Variants in TENM3 observed in about 807,000 individuals in gnomAD.
The protein encoded by TENM3 is teneurin-3.
TENM3 carries 63 observed loss-of-function variants against 255.1 expected under a neutral mutation model. The ratio of observed to expected loss-of-function variants is 0.25; its 90% CI spans 0.20 to 0.30. The LOEUF (loss-of-function observed/expected upper bound fraction) is 0.30, where lower values mean the gene tolerates loss of function less well. TENM3 is among the 10% of genes least tolerant of loss of function. TENM3 has a pLI of 1.00. For missense variants in TENM3, 2,929 were observed against 3,461.1 expected, an observed-to-expected ratio of 0.85 and a Z score of 3.86; for synonymous variants, 1,306 against 1,322.3, an observed-to-expected ratio of 0.99 and a Z score of 0.27.
the TENM3 span, among the ~76,000 whole-genome samples, chr4:182,088,915 C>T: frequency 2.0e-5 from 3 of 152,080 alleles, 1 homozygote; most frequent in South Asian, 6.2e-4. Context: ...AAAATGATTT[C>T]ATGTGTTGAA....
the TENM3 span, among the ~76,000 whole-genome samples, chr4:181,974,613 G>C: frequency 6.6e-6 from 1 of 152,036 alleles, no homozygotes; most frequent in Admixed American, 6.6e-5. Context: ...AGCTGAATGA[G>C]CAAGAGGGAA....
the TENM3 span, among the ~76,000 whole-genome samples, chr4:181,776,532 C>T: frequency 6.6e-6 from 1 of 152,244 alleles, no homozygotes; most frequent in Admixed American, 6.5e-5. Flanking sequence ...TACATTCCCA[C>T]CAACAGTGTA....
intron 1 of TENM3, among the ~76,000 whole-genome samples, chr4:182,222,738 A>T (rs181840410): frequency 1.4e-4 from 22 of 152,132 alleles, no homozygotes; most frequent in Admixed American, 1.2e-3. Context: ...ACTTTTAGTG[A>T]TTTATTCTTT....
intron 3 of TENM3, among the ~76,000 whole-genome samples, chr4:182,364,472 A>C (rs1170526015): frequency 6.6e-6 from 1 of 152,154 alleles, no homozygotes; most frequent in Non-Finnish European, 1.5e-5. Context: ...GCTGGAATGC[A>C]GTGGCGCGAT....
intron 3 of TENM3, among the ~76,000 whole-genome samples, chr4:182,440,035 A>G (rs1251794110): frequency 6.6e-6 from 1 of 151,174 alleles, no homozygotes; most frequent in Non-Finnish European, 1.5e-5. Context: ...CGTAAGTATC[A>G]CTGTTAGGGA....
the TENM3 span, among the ~76,000 whole-genome samples, chr4:182,109,285 T>A: frequency 6.7e-6 from 1 of 149,090 alleles, no homozygotes; most frequent in African/African-American, 2.4e-5. Flanking sequence ...TCACATATAG[T>A]ATAATATATA....
upstream of TENM3, among the ~76,000 whole-genome samples, chr4:182,242,567 C>T (rs1561233831): frequency 6.6e-6 from 1 of 151,994 alleles, no homozygotes; most frequent in East Asian, 1.9e-4. Flanking sequence ...TTGAGACCAG[C>T]CTGGGCAACA....
the TENM3 span, among the ~76,000 whole-genome samples, chr4:181,998,651 G>C: frequency 4.3e-4 from 66 of 152,206 alleles, no homozygotes; most frequent in African/African-American, 1.6e-3. Flanking sequence ...TAGATGTTGA[G>C]ACCAATTTCT....
the TENM3 span, among the ~76,000 whole-genome samples, chr4:181,641,545 GGTGT>G: frequency 0.014 from 325 of 23,906 alleles, 14 homozygotes; most frequent in African/African-American, 0.049. Flanking sequence ...AGTATTCCAT[GGTGT>G]GTGTGTATAT....
At chr4:182,476,219 AT>A (rs1348073427) in intron 3 of TENM3, among the ~76,000 whole-genome samples, 1 of 152,176 alleles carries the variant, frequency 6.6e-6, no homozygotes, top group African/African-American at 2.4e-5. Context: ...ATTTAAACCC[AT>A]TTTAGTCTAT....
chr4:181,797,746 T>C, the TENM3 span, among the ~76,000 whole-genome samples: 1 of 152,206 alleles, frequency 6.6e-6, no homozygotes, highest in African/African-American at 2.4e-5. Context: ...AAAAACTGGA[T>C]GAAAATACGT....
At chr4:182,145,220 G>C (rs567731546) in intron 1 of TENM3, 1 of 152,252 alleles carries the variant, frequency 6.6e-6, no homozygotes, top group Non-Finnish European at 1.5e-5. Flanking sequence ...GCTTTCCGGG[G>C]CAGGCAGGGG....
intron 16 of TENM3, among the ~76,000 whole-genome samples, chr4:182,733,794 T>C (rs2152719038): frequency 6.6e-6 from 1 of 152,282 alleles, no homozygotes; most frequent in South Asian, 2.1e-4. Flanking sequence ...CCTCAATCAA[T>C]TTAATACTTC....
rs1212341199 is a variant in TENM3 at position 182,799,946 on chromosome 4, C to T, written c.7695C>T (p.Thr2565=). Residue 2565 remains threonine, a synonymous_variant, in exon 28 of 28, where the codon ACC becomes ACT. Coordinates refer to ENST00000511685, the MANE Select transcript of TENM3 (RefSeq NM_001080477.4). This position sits in a 1 kb window ranked among gnomAD's most constrained non-coding sequence, Gnocchi z 4.2. The part of the protein sequence containing the change: ...PESDLGTLRL[T]SGRKALENGI... ...GCGACCTGGGCACGCTGCGGTTGAC[C>T]AGCGGCCGCAAGGCGCTGGAGAACG... 1 of 1,594,232 alleles carries T rather than the reference C, an allele frequency of 6.3e-7. No homozygotes were observed. Among genetic ancestry groups the T allele is most frequent in the South Asian group, 1.1e-5 (1 of 87,960 alleles).
the TENM3 span, among the ~76,000 whole-genome samples, chr4:182,131,528 G>C: frequency 6.6e-6 from 1 of 152,214 alleles, no homozygotes; most frequent in Non-Finnish European, 1.5e-5. Flanking sequence ...TCCATAAAGA[G>C]GCAAAGATAC....
At chr4:181,611,861 A>G in the TENM3 span, among the ~76,000 whole-genome samples, 1 of 152,238 alleles carries the variant, frequency 6.6e-6, no homozygotes, top group Non-Finnish European at 1.5e-5. Context: ...GACACATTTG[A>G]TCACTTGGAA....
intron 24 of TENM3, among the ~76,000 whole-genome samples, chr4:182,775,436 C>T (rs1764612152): frequency 1.3e-5 from 2 of 152,194 alleles, no homozygotes; most frequent in African/African-American, 4.8e-5. Flanking sequence ...AAACCAGCTC[C>T]AGACATCTTC....
At chr4:181,633,543 A>G in the TENM3 span, among the ~76,000 whole-genome samples, 1 of 152,114 alleles carries the variant, frequency 6.6e-6, no homozygotes, top group African/African-American at 2.4e-5. Flanking sequence ...ATTCTAAATG[A>G]CCCTGAGCCT....
At chr4:182,468,041 A>T (rs139021007) in intron 3 of TENM3, among the ~76,000 whole-genome samples, 5 of 152,184 alleles carry the variant, frequency 3.3e-5, no homozygotes, top group African/African-American at 1.2e-4. Flanking sequence ...TGAAACTTAA[A>T]TTCATAATAA....
Sources: allele counts gnomAD v4.1 joint callset (sites outside exome capture counted in the v4.1 genomes callset), GRCh38; gene constraint gnomAD v4.1.1; non-coding constraint Gnocchi (gnomAD v3.1); transcripts MANE v1.5; gene names NCBI Gene and HGNC (gene_info 2026-07-23, HGNC 2026-07-21).